The following DGKB variants were observed in gnomAD, a reference collection of about 807,000 sequenced individuals.
DGKB encodes 90 kDa diacylglycerol kinase.
Under a neutral mutation model 114.3 loss-of-function variants are expected in DGKB, and 67 were observed. That is an observed-to-expected ratio of 0.59 (90% CI 0.48 to 0.72). The LOEUF (loss-of-function observed/expected upper bound fraction) is 0.72, where lower values mean the gene tolerates loss of function less well. DGKB is among the 30% of genes least tolerant of loss of function. The pLI is 0.00. For missense variants in DGKB, 907 were observed against 975.2 expected (o/e 0.93, Z 0.93); for synonymous variants, 398 against 323.1 (o/e 1.23, Z -2.49).
At chr7:14,719,686 A>G (rs1050532058) in intron 5 of DGKB, among the ~76,000 whole-genome samples, 14 of 152,042 alleles carry the variant, frequency 9.2e-5, no homozygotes, top group African/African-American at 3.4e-4. Context: ...TAGTTTTTCA[A>G]TTTGTAACTT....
At chr7:14,344,875 T>C (rs1812220227) in intron 22 of DGKB, among the ~76,000 whole-genome samples, 1 of 151,640 alleles carries the variant, frequency 6.6e-6, no homozygotes. Context: ...AATGGAAAAG[T>C]ATACTTTTTA....
chr7:14,258,745 TCA>T (rs2128406797), intron 23 of DGKB, among the ~76,000 whole-genome samples: 1 of 152,314 alleles, frequency 6.6e-6, no homozygotes, highest in South Asian at 2.1e-4. Context: ...AACAGACTTT[TCA>T]CAGTTGATTT....
At chr7:14,725,403 C>CA (rs1829870389) in intron 5 of DGKB, among the ~76,000 whole-genome samples, 1 of 151,918 alleles carries the variant, frequency 6.6e-6, no homozygotes. Context: ...AAGTATGGGA[C>CA]AAAAATAATT....
At chr7:14,258,238 T>TTTAA in intron 23 of DGKB, among the ~76,000 whole-genome samples, 1 of 152,220 alleles carries the variant, frequency 6.6e-6, no homozygotes, top group Non-Finnish European at 1.5e-5. Flanking sequence ...TATGGTTGAA[T>TTTAA]TTAATTTTTA....
At chr7:14,943,062 A>G (rs149273367) in intron 1 of DGKB, among the ~76,000 whole-genome samples, 5 of 152,102 alleles carry the variant, frequency 3.3e-5, no homozygotes, top group African/African-American at 1.2e-4. Context: ...TATTCGTTGT[A>G]TGACTGATTG....
chr7:14,355,791 T>C (rs1424286298), intron 21 of DGKB, among the ~76,000 whole-genome samples: 1 of 152,182 alleles, frequency 6.6e-6, no homozygotes, highest in Non-Finnish European at 1.5e-5. Flanking sequence ...GCTGGCCTCA[T>C]AAAATGAGTT....
At position 14,281,506 on chromosome 7, in the gene DGKB, C is replaced by A. The variant is rs1409546271; in HGVS notation, c.2122+57009G>T. Among the ~76,000 whole-genome samples the A allele has an allele frequency of 4.8e-5, 7 of 146,866 alleles. No individual in the cohort carries two copies. In the East Asian group the frequency reaches 1.0e-3, roughly 21 times the overall value. Reference sequence around the variant, plus strand: ...GAATTGAACTCAGCTCTGCACCAAGCGGACCTAATAGACATCTACAGAAGT... The same window carrying A: ...GAATTGAACTCAGCTCTGCACCAAGAGGACCTAATAGACATCTACAGAAGT... On this transcript the variant is annotated intron_variant, in intron 23 of 25. Coordinates refer to ENST00000402815, the MANE Select transcript of DGKB (RefSeq NM_001350709.2).
intron 4 of DGKB, among the ~76,000 whole-genome samples, chr7:14,745,479 C>T (rs1242566110): frequency 6.6e-6 from 1 of 152,184 alleles, no homozygotes; most frequent in Non-Finnish European, 1.5e-5. Context: ...CACAGAGAAC[C>T]TCTGACCCAC....
chr7:14,502,333 T>A (rs930421175), intron 20 of DGKB, among the ~76,000 whole-genome samples: 10 of 151,978 alleles, frequency 6.6e-5, no homozygotes, highest in African/African-American at 2.4e-4. Flanking sequence ...GTTAAGAAAA[T>A]ATTTTAGAAT....
At chr7:14,608,161 C>T (rs1263221932) in intron 16 of DGKB, among the ~76,000 whole-genome samples, 2 of 151,900 alleles carry the variant, frequency 1.3e-5, no homozygotes, top group African/African-American at 4.8e-5. Context: ...TATGCATGCA[C>T]ATATCTCACA....
At chr7:14,861,826 C>T (rs916409491) in intron 1 of DGKB, among the ~76,000 whole-genome samples, 2 of 151,918 alleles carry the variant, frequency 1.3e-5, no homozygotes, top group Admixed American at 6.6e-5. Flanking sequence ...TGTGACAATT[C>T]CATTGTCTGA....
intron 1 of DGKB, among the ~76,000 whole-genome samples, chr7:14,921,088 T>C (rs1784491194): frequency 1.3e-5 from 2 of 152,094 alleles, no homozygotes; most frequent in African/African-American, 4.8e-5. Flanking sequence ...AGTTTTTCAA[T>C]CCTCACCTCC....
intron 21 of DGKB, among the ~76,000 whole-genome samples, chr7:14,397,064 T>A (rs190022173): frequency 6.6e-6 from 1 of 151,992 alleles, no homozygotes; most frequent in Admixed American, 6.6e-5. Context: ...AGAGAGAAAT[T>A]TACATACAGA....
intron 21 of DGKB, among the ~76,000 whole-genome samples, chr7:14,474,265 GA>G (rs1181365724): frequency 6.6e-6 from 1 of 152,088 alleles, no homozygotes; most frequent in East Asian, 1.9e-4. Flanking sequence ...CTACACGGGG[GA>G]GTTTCCCTGC....
chr7:14,403,098 A>G (rs373347458), intron 21 of DGKB, among the ~76,000 whole-genome samples: 1 of 152,064 alleles, frequency 6.6e-6, no homozygotes, highest in East Asian at 1.9e-4. Flanking sequence ...ACATAGATAC[A>G]CACACATTCT....
chr7:14,502,582 G>C (rs1786373073), intron 20 of DGKB, among the ~76,000 whole-genome samples: 1 of 151,996 alleles, frequency 6.6e-6, no homozygotes, highest in South Asian at 2.1e-4. Context: ...GCAATAATTA[G>C]TTTTCTGGTG....
At chr7:14,603,387 G>T (rs916974859) in intron 17 of DGKB, among the ~76,000 whole-genome samples, 8 of 152,026 alleles carry the variant, frequency 5.3e-5, no homozygotes, top group Non-Finnish European at 1.0e-4. Flanking sequence ...TTAGCCTTTT[G>T]AGGATTCTGT....
intron 2 of DGKB, among the ~76,000 whole-genome samples, chr7:14,806,347 T>C (rs553396541): frequency 1.3e-5 from 2 of 152,222 alleles, no homozygotes; most frequent in Admixed American, 6.6e-5. Flanking sequence ...TATATGGCTA[T>C]AGAGTCTACA....
intron 23 of DGKB, among the ~76,000 whole-genome samples, chr7:14,213,395 G>C (rs750847563): frequency 6.6e-6 from 1 of 152,040 alleles, no homozygotes; most frequent in East Asian, 1.9e-4. Flanking sequence ...TTCCCAAGTG[G>C]TACTGGGAGA....
Sources: allele counts gnomAD v4.1 joint callset (sites outside exome capture counted in the v4.1 genomes callset), GRCh38; gene constraint gnomAD v4.1.1; transcripts MANE v1.5; gene names NCBI Gene and HGNC (gene_info 2026-07-23, HGNC 2026-07-21).